The following AHCTF1 variants were observed in gnomAD, a reference collection of about 807,000 sequenced individuals.
AHCTF1 encodes AT-hook containing transcription factor 1, also known as protein ELYS.
Under a neutral mutation model 248.4 loss-of-function variants are expected in AHCTF1, and 24 were observed. The observed-to-expected ratio is 0.10, with a 90% CI of 0.07 to 0.14. The LOEUF is 0.14. AHCTF1 is among the 10% of genes least tolerant of loss of function. AHCTF1 has a pLI of 1.00. For synonymous variants in AHCTF1, 786 were observed against 929.8 expected (o/e 0.85, Z 2.81); for missense variants, 2,206 against 2,636.2 (o/e 0.84, Z 3.57).
In AHCTF1 at chr1:246,840,608, T is replaced by C. The variant is rs1049071523; in HGVS notation, c.*198A>G. 47 of 341,388 alleles carry C rather than the reference T, an allele frequency of 1.4e-4. No individual in the cohort carries two copies. Among genetic ancestry groups the C allele is most frequent in the Non-Finnish European group, 2.1e-4 (41 of 192,044 alleles). The allele number at this position is 341,388 out of a possible 1,614,324, so 21.1% of individuals were successfully genotyped here. ...TATTTACATATATAAATGTATGAAG[T>C]CTTAATATAAAATAGAAAAATTGCC... On this transcript the variant is annotated 3_prime_UTR_variant, in exon 36 of 36. Transcript: ENST00000648844.
At chr1:246,862,798 G>A (rs1661668196) in intron 27 of AHCTF1, among the ~76,000 whole-genome samples, 1 of 151,962 alleles carries the variant, frequency 6.6e-6, no homozygotes, top group Admixed American at 6.6e-5. Flanking sequence ...TAGTGTTTCA[G>A]AAAAAAAATT....
intron 21 of AHCTF1, among the ~76,000 whole-genome samples, chr1:246,882,029 G>GC (rs1317756818): frequency 1.5e-5 from 2 of 130,748 alleles, no homozygotes; most frequent in African/African-American, 5.8e-5. Flanking sequence ...ATGGAGTCTT[G>GC]CTCTGTCGCC....
At chr1:246,879,789 A>G (rs1392672149) in intron 21 of AHCTF1, among the ~76,000 whole-genome samples, 1 of 152,048 alleles carries the variant, frequency 6.6e-6, no homozygotes, top group East Asian at 1.9e-4. Flanking sequence ...AAACCGCTCC[A>G]CTAACTCCAG....
rs571217534 is a variant in AHCTF1, at chr1:246,887,153, G to A, written c.2472+58C>T. The A allele has an allele frequency of 1.2e-5, 19 of 1,529,266 alleles. No individual in the cohort carries two copies. The African/African-American group carries it at 1.3e-4, about 10-fold the overall frequency. The allele number at this position is 1,529,266 out of a possible 1,614,324, so 94.7% of individuals were successfully genotyped here. ...TTTTAATACCAAATTTAAATTATGT[G>A]TATTTTCTAAAATTCTAGTAATTCA... On this transcript the variant is annotated intron_variant, in intron 20 of 35. Transcript: ENST00000648844.
rs1660564612 is a variant in AHCTF1, at chr1:246,849,838, G to A, written c.6168C>T (p.Ser2056=). 1 of 1,613,904 alleles carries A rather than the reference G, an allele frequency of 6.2e-7. No homozygotes were observed. The highest frequency in any genetic ancestry group is 1.7e-4 in the Middle Eastern group (1 of 6,056). The part of the protein sequence containing the change: ...KKLTKKTESQ[S]QKRSLHSVSE... The stretch of plus-strand genomic sequence containing the variant: ...ATACTGAGTGCAATGAACGTTTTTG[G>A]CTTTGACTTTCAGTCTTTTTTGTAA... The change falls in exon 33 of 36, where the codon AGC becomes AGT. Residue 2056 remains serine, a synonymous_variant. Coordinates refer to ENST00000648844, the MANE Select transcript of AHCTF1 (RefSeq NM_001323342.2).
intron 24 of AHCTF1, among the ~76,000 whole-genome samples, chr1:246,869,275 C>T (rs955926559): frequency 3.9e-5 from 6 of 152,100 alleles, no homozygotes; most frequent in South Asian, 2.1e-4. Flanking sequence ...TCCCTTTCCC[C>T]GAGGACCTCC....
chr1:246,885,798 G>A, intron 20 of AHCTF1, 118 bp from the exon 21 acceptor site: 3 of 977,898 alleles, frequency 3.1e-6, no homozygotes, highest in Non-Finnish European at 4.5e-6. Context: ...AATATAAGCT[G>A]AAAAAATCTA....
At chr1:246,880,923 A>C (rs1663353771) in intron 21 of AHCTF1, among the ~76,000 whole-genome samples, 1 of 152,232 alleles carries the variant, frequency 6.6e-6, no homozygotes. Flanking sequence ...TTGGCAGTAA[A>C]AGACATAGAA....
intron 24 of AHCTF1, among the ~76,000 whole-genome samples, chr1:246,871,672 C>CT (rs1252654185): frequency 2.0e-5 from 3 of 152,110 alleles, no homozygotes; most frequent in African/African-American, 4.8e-5. Flanking sequence ...TCCACAGACT[C>CT]TAAGTATGCT....
At chr1:246,845,926 C>T (rs1467749704) in intron 33 of AHCTF1, among the ~76,000 whole-genome samples, 1 of 151,596 alleles carries the variant, frequency 6.6e-6, no homozygotes, top group Non-Finnish European at 1.5e-5. Flanking sequence ...TTGGCTCTTA[C>T]CAGCCAGTAG....
intron 21 of AHCTF1, among the ~76,000 whole-genome samples, chr1:246,880,287 G>A (rs1172889600): frequency 2.0e-5 from 3 of 151,516 alleles, no homozygotes; most frequent in East Asian, 3.9e-4. Flanking sequence ...ACTTTAGGCA[G>A]GGTGTGGTGG....
chr1:246,869,048 G>A (rs969409839), intron 24 of AHCTF1, among the ~76,000 whole-genome samples: 3 of 151,516 alleles, frequency 2.0e-5, no homozygotes, highest in Non-Finnish European at 4.4e-5. Context: ...GTTTCACCAT[G>A]TTGGCCAGGA....
chr1:246,890,963 T>C lies in AHCTF1; in HGVS notation c.2043A>G (p.Glu681=). The C allele has an allele frequency of 6.6e-7, 1 of 1,524,174 alleles. No homozygotes were observed. The highest frequency in any genetic ancestry group is 8.8e-7 in the Non-Finnish European group (1 of 1,142,562). The allele number at this position is 1,524,174 out of a possible 1,614,324, so 94.4% of individuals were successfully genotyped here. Residue 681 remains glutamate, a synonymous_variant, in exon 16 of 36, where the codon GAA becomes GAG. Transcript: ENST00000648844. ...ATTAAGTAAATATTTTACCTATGCC[T>C]TCTGGTAAAAGCCCAGAATGAGAGA... The part of the protein sequence containing the change: ...LWFSHSGLLP[E]GIDDSVQLSR...
intron 12 of AHCTF1, among the ~76,000 whole-genome samples, chr1:246,897,154 A>G (rs901019388): frequency 3.3e-5 from 5 of 152,072 alleles, no homozygotes; most frequent in Admixed American, 2.6e-4. Context: ...TCTCTACTAA[A>G]AATAAAAAAT....
chr1:246,860,204 G>C (rs1661432831), intron 29 of AHCTF1, among the ~76,000 whole-genome samples: 1 of 151,702 alleles, frequency 6.6e-6, no homozygotes, highest in Non-Finnish European at 1.5e-5. Context: ...GGGGGCGGAG[G>C]TTGCAGTGAG....
At chr1:246,921,749 C>T (rs1666563012) in intron 1 of AHCTF1, among the ~76,000 whole-genome samples, 1 of 152,060 alleles carries the variant, frequency 6.6e-6, no homozygotes. Context: ...AAAGTAACTG[C>T]CAACATAATT....
intron 14 of AHCTF1, among the ~76,000 whole-genome samples, chr1:246,893,277 AAC>A (rs1664344695): frequency 1.3e-5 from 2 of 152,224 alleles, no homozygotes; most frequent in Admixed American, 6.5e-5. Context: ...ATTTCATGAC[AAC>A]AGTTTCATAA....
intron 26 of AHCTF1, among the ~76,000 whole-genome samples, chr1:246,865,964 T>A (rs1207830730): frequency 6.6e-6 from 1 of 152,168 alleles, no homozygotes; most frequent in Non-Finnish European, 1.5e-5. Context: ...AATTTTTTTT[T>A]ACCATAATCC....
In AHCTF1 at chr1:246,905,421, C is replaced by T. The variant is rs372396900; in HGVS notation, c.881+120G>A. The T allele has an allele frequency of 3.6e-4, 250 of 695,610 alleles. 7 individuals carry two copies. In the South Asian group the frequency reaches 3.9e-3, roughly 11 times the overall value. 43.1% of individuals were successfully genotyped at this position (695,610 alleles called of 1,614,324 possible). ...GCTGAGCGAGAGAATGGCATGAATC[C>T]GGGAGGCGGAGGTTGCAGTGAGCCG... On this transcript the variant is annotated intron_variant, in intron 6 of 35. Coordinates refer to ENST00000648844, the MANE Select transcript of AHCTF1 (RefSeq NM_001323342.2).
Sources: gnomAD v4.1 joint callset for allele counts (sites outside exome capture counted in the v4.1 genomes callset) on GRCh38, gnomAD v4.1.1 for gene constraint, MANE v1.5 for transcripts, NCBI Gene and HGNC (gene_info 2026-07-23, HGNC 2026-07-21) for gene names.